Variants in CHLSN observed in about 807,000 individuals in gnomAD.
CHLSN encodes the protein cholesin, also known as protein cholesin.
the CHLSN span, among the ~76,000 whole-genome samples, chr7:999,038 G>A: frequency 1.5e-4 from 23 of 152,302 alleles, no homozygotes; most frequent in African/African-American, 4.3e-4. Context: ...ACATTTGTGT[G>A]TTTGTAAATA....
At chr7:1,098,176 T>G in the CHLSN span, among the ~76,000 whole-genome samples, 1 of 151,952 alleles carries the variant, frequency 6.6e-6, no homozygotes, top group African/African-American at 2.4e-5. Flanking sequence ...ACTGTGCGAG[T>G]CACCCCCAAG....
chr7:1,041,298 G>GGGGACCTGGGGTCCGCGCTGCAGGGGAAC, the CHLSN span, among the ~76,000 whole-genome samples: 1 of 84,020 alleles, frequency 1.2e-5, no homozygotes, highest in African/African-American at 3.7e-5. Flanking sequence ...CTGCGGGGAA[G>GGGGACCTGGGGTCCGCGCTGCAGGGGAAC]GGGACCTGGG....
chr7:1,000,355 C>T, the CHLSN span: 100 of 915,344 alleles, frequency 1.1e-4, no homozygotes, highest in South Asian at 1.6e-3. Context: ...CCTCAGCCCC[C>T]GGGAGACGTG....
At chr7:983,386 G>T in the CHLSN span, 25 of 1,503,586 alleles carry the variant, frequency 1.7e-5, no homozygotes, top group Non-Finnish European at 8.9e-7. Context: ...CCTGATGGAG[G>T]TAAGTCAGGG....
the CHLSN span, among the ~76,000 whole-genome samples, chr7:1,131,030 A>C: frequency 1.6e-4 from 24 of 152,142 alleles, no homozygotes; most frequent in Admixed American, 5.2e-4. Flanking sequence ...TCTACAAAAC[A>C]TTTTTTAAAA....
the CHLSN span, among the ~76,000 whole-genome samples, chr7:1,126,685 G>A: frequency 6.6e-6 from 1 of 152,078 alleles, no homozygotes; most frequent in Admixed American, 6.6e-5. Flanking sequence ...TCAAGAAAAC[G>A]AAGAATAAAA....
chr7:1,001,499 GA>G, the CHLSN span, among the ~76,000 whole-genome samples: 8 of 141,936 alleles, frequency 5.6e-5, no homozygotes, highest in East Asian at 2.1e-4. Flanking sequence ...TCCTGCGGGT[GA>G]GTGGAGTCCT....
At chr7:1,078,254 G>A in the CHLSN span, among the ~76,000 whole-genome samples, 1 of 152,106 alleles carries the variant, frequency 6.6e-6, no homozygotes, top group Non-Finnish European at 1.5e-5. Context: ...GCGTGGCAGA[G>A]CACAGCGGGT....
the CHLSN span, among the ~76,000 whole-genome samples, chr7:1,041,412 GGGACCTGGGGTCCGCGCTGCGGGGAA>G: frequency 6.8e-6 from 1 of 148,132 alleles, no homozygotes; most frequent in Non-Finnish European, 1.5e-5. Context: ...TGCGGGGAAC[GGGACCTGGGGTCCGCGCTGCGGGGAA>G]GGGGACCTGG....
the CHLSN span, among the ~76,000 whole-genome samples, chr7:1,117,540 G>A: frequency 2.1e-4 from 26 of 126,142 alleles, no homozygotes; most frequent in East Asian, 2.7e-3. Flanking sequence ...CTCTAGGACC[G>A]GCTTCCATCA....
At chr7:1,084,137 G>A in the CHLSN span, among the ~76,000 whole-genome samples, 6 of 152,214 alleles carry the variant, frequency 3.9e-5, no homozygotes, top group East Asian at 1.9e-4. Flanking sequence ...CCACTGGTGC[G>A]GCAAAACCCG....
At chr7:1,068,476 C>T in the CHLSN span, among the ~76,000 whole-genome samples, 1 of 152,152 alleles carries the variant, frequency 6.6e-6, no homozygotes, top group Non-Finnish European at 1.5e-5. Context: ...TCGCCCTCCA[C>T]AGTCACACAA....
chr7:1,100,656 C>T, the CHLSN span, among the ~76,000 whole-genome samples: 61 of 152,180 alleles, frequency 4.0e-4, no homozygotes, highest in African/African-American at 1.3e-3. Context: ...CCAGCTCTAG[C>T]GGAAACAAAG....
At chr7:1,024,682 C>T in the CHLSN span, 1 of 152,188 alleles carries the variant, frequency 6.6e-6, no homozygotes, top group Non-Finnish European at 1.5e-5. Flanking sequence ...AGTTTCAGCC[C>T]CTCCTTGCCG....
chr7:1,102,007 C>A, the CHLSN span, among the ~76,000 whole-genome samples: 2 of 152,234 alleles, frequency 1.3e-5, no homozygotes, highest in African/African-American at 2.4e-5. Flanking sequence ...AAGGTCTTGC[C>A]CATAGAAGTC....
At chr7:1,052,013 G>A in the CHLSN span, among the ~76,000 whole-genome samples, 6 of 152,202 alleles carry the variant, frequency 3.9e-5, no homozygotes, top group African/African-American at 1.4e-4. This position sits in a 1 kb window ranked among gnomAD's most constrained non-coding sequence, Gnocchi z 4.2. Flanking sequence ...AGGAACAGAT[G>A]AATCCCATTT....
the CHLSN span, chr7:1,091,932 C>T: frequency 6.2e-7 from 1 of 1,614,058 alleles, no homozygotes; most frequent in Non-Finnish European, 8.5e-7. Context: ...ACACCATCTT[C>T]CTCTTCCCCA....
the CHLSN span, among the ~76,000 whole-genome samples, chr7:1,039,306 C>T: frequency 8.5e-5 from 4 of 46,824 alleles, no homozygotes; most frequent in African/African-American, 1.5e-4. Context: ...GCCCGGCCGC[C>T]CCTACTGGGA....
the CHLSN span, among the ~76,000 whole-genome samples, chr7:1,097,626 G>GA: frequency 2.6e-5 from 4 of 152,178 alleles, no homozygotes; most frequent in Non-Finnish European, 5.9e-5. This position sits in a 1 kb window ranked among gnomAD's most constrained non-coding sequence, Gnocchi z 4.3. Context: ...AATGGAGGGC[G>GA]AATCTCAGGG....
Sources: allele counts gnomAD v4.1 joint callset (sites outside exome capture counted in the v4.1 genomes callset), GRCh38; gene constraint gnomAD v4.1.1; non-coding constraint Gnocchi (gnomAD v3.1); transcripts MANE v1.5; gene names NCBI Gene and HGNC (gene_info 2026-07-23, HGNC 2026-07-21).